Variants in MED22 observed in about 807,000 individuals in gnomAD.
The protein encoded by MED22 is mediator of RNA polymerase II transcription subunit 22.
Under a neutral mutation model 22.7 loss-of-function variants are expected in MED22, and 22 were observed. The ratio of observed to expected loss-of-function variants is 0.97; its 90% CI spans 0.69 to 1.38. The LOEUF is 1.38. Ranked by LOEUF, MED22 falls within the 40% of genes most tolerant of loss-of-function variation. The pLI, the probability that MED22 is intolerant of heterozygous loss-of-function variation, is 0.00. For missense variants in MED22, 247 were observed against 263.0 expected, an observed-to-expected ratio of 0.94 and a Z score of 0.42; for synonymous variants, 134 against 119.4, an observed-to-expected ratio of 1.12 and a Z score of -0.80.
chr9:133,341,966 G>A, intron 4 of MED22: 2 of 1,249,674 alleles, frequency 1.6e-6, no homozygotes, highest in Non-Finnish European at 1.0e-6. Context: ...GGCCCTTCCT[G>A]CCCAGCCTCC....
At chr9:133,347,532 G>T (rs1014656128) in intron 1 of MED22, 2 of 151,570 alleles carry the variant, frequency 1.3e-5, no homozygotes, top group Non-Finnish European at 2.9e-5. Context: ...AAAAAAAAAA[G>T]GGGGGTAATT....
intron 2 of MED22, chr9:133,346,307 C>T: frequency 1.8e-6 from 1 of 543,766 alleles, no homozygotes; most frequent in East Asian, 3.2e-5. Flanking sequence ...TCACAAGGAC[C>T]CCACCATGCA....
intron 2 of MED22, among the ~76,000 whole-genome samples, chr9:133,345,499 C>G (rs2129965553): frequency 6.6e-6 from 1 of 152,344 alleles, no homozygotes; most frequent in Admixed American, 6.5e-5. Flanking sequence ...AGAGGCAACC[C>G]ACGCTGCTTG....
At chr9:133,344,546 G>A (rs1354917570) in intron 3 of MED22, among the ~76,000 whole-genome samples, 2 of 152,172 alleles carry the variant, frequency 1.3e-5, no homozygotes, top group East Asian at 1.9e-4. Flanking sequence ...CTCCCCTCTC[G>A]TCAGCCTCTG....
chr9:133,341,547 G>C lies in MED22; in HGVS notation c.561C>G (p.Ala187=), dbSNP rs2129948968. The C allele has an allele frequency of 3.6e-5, 56 of 1,552,516 alleles. No homozygotes were observed. In the South Asian group the frequency reaches 5.9e-4, roughly 16 times the overall value. The change falls in exon 5 of 5, where the codon GCC becomes GCG. Residue 187 remains alanine (A), a synonymous_variant. Coordinates refer to ENST00000343730, the MANE Select transcript of MED22 (RefSeq NM_133640.5). ...GGCCAGGGCCACCAGCATGGGAGTGGGCAGGGGCTGCCACCTGTAGGGGGC... is the reference window on the plus strand; with the variant it reads ...GGCCAGGGCCACCAGCATGGGAGTGCGCAGGGGCTGCCACCTGTAGGGGGC... ...SAGPLQVAAP[A]HSHAGGPGPT...
intron 1 of MED22, chr9:133,347,655 C>A (rs926305633): frequency 6.6e-6 from 1 of 152,582 alleles, no homozygotes; most frequent in South Asian, 2.0e-4. Context: ...ACGGCCTCGG[C>A]GCTGGAGTTG....
chr9:133,345,623 A>C (rs1398827086), intron 2 of MED22, among the ~76,000 whole-genome samples: 20 of 152,066 alleles, frequency 1.3e-4, no homozygotes. Flanking sequence ...CTGTTGGATG[A>C]GTGAAGGGAT....
Position 133,339,341 on chromosome 9 carries a change from C to T in MED22, c.*2164G>A. On this transcript the variant is annotated 3_prime_UTR_variant, in exon 5 of 5. Transcript: ENST00000343730. ...AAAATGATCAGAAAAAGAGGGAAGCCAAAGAGAAAGGTACCTGGATTCAAC... is the reference window on the plus strand; with the variant it reads ...AAAATGATCAGAAAAAGAGGGAAGCTAAAGAGAAAGGTACCTGGATTCAAC... 1 of 722,246 alleles carries T rather than the reference C, an allele frequency of 1.4e-6. No individual in the cohort carries two copies. The highest frequency in any genetic ancestry group is 1.4e-5 in the South Asian group (1 of 73,116). 44.7% of individuals were successfully genotyped at this position (722,246 alleles called of 1,614,324 possible). A position where few individuals can be genotyped will look rare whatever the true frequency, so the allele number is the denominator to read the frequency against.
chr9:133,346,667 G>C lies in MED22; in HGVS notation c.-5C>G. 1 of 1,610,776 alleles carries C rather than the reference G, an allele frequency of 6.2e-7. No individual in the cohort carries two copies. Among genetic ancestry groups the C allele is most frequent in the Middle Eastern group, 1.7e-4 (1 of 6,056 alleles). ...CAGGGCTCTCTGCTGGGCCATGGCC[G>C]AGCCTCAAGCAGCGCAGCGGGGAGA... On this transcript the variant is annotated 5_prime_UTR_variant, in exon 2 of 5. Transcript: ENST00000343730.
intron 2 of MED22, among the ~76,000 whole-genome samples, chr9:133,345,859 G>C (rs193258522): frequency 6.9e-4 from 105 of 152,298 alleles, no homozygotes; most frequent in Non-Finnish European, 1.2e-3. Flanking sequence ...CAGACTTCGT[G>C]GGTTCAAATC....
chr9:133,339,005 G>T lies in MED22; in HGVS notation c.*2500C>A. On this transcript the variant is annotated 3_prime_UTR_variant, in exon 5 of 5. Coordinates refer to ENST00000343730, the MANE Select transcript of MED22 (RefSeq NM_133640.5). ...ATTCGCCAAAATGACGAACACAAAGGGAAAGAGGAGAGGCACCCAATATAT... is the reference window on the plus strand; with the variant it reads ...ATTCGCCAAAATGACGAACACAAAGTGAAAGAGGAGAGGCACCCAATATAT... 1.2e-6 allele frequency: 1 copy of T among 831,316 alleles called. No homozygotes were observed. Among genetic ancestry groups the T allele is most frequent in the South Asian group, 1.3e-5 (1 of 76,654 alleles). The allele number at this position is 831,316 out of a possible 1,614,324, so 51.5% of individuals were successfully genotyped here.
intron 4 of MED22, chr9:133,342,189 C>T: frequency 1.0e-6 from 1 of 989,462 alleles, no homozygotes; most frequent in Non-Finnish European, 1.2e-6. Flanking sequence ...GGAACACAGG[C>T]CCTGGCACTT....
At chr9:133,342,582 C>CT in intron 4 of MED22, 1 of 986,498 alleles carries the variant, frequency 1.0e-6, no homozygotes, top group South Asian at 4.7e-5. Flanking sequence ...GCGGAGCGCC[C>CT]TTTGGGGGAC....
At chr9:133,342,163 A>T (rs2129952252) in intron 4 of MED22, 20 of 993,580 alleles carry the variant, frequency 2.0e-5, no homozygotes, top group Non-Finnish European at 2.4e-5. Flanking sequence ...ACTTAGCCTG[A>T]AGGGGGCGAC....
At chr9:133,343,434 A>T (rs1198039652) in intron 4 of MED22, 1 of 1,224,798 alleles carries the variant, frequency 8.2e-7, no homozygotes, top group Non-Finnish European at 1.0e-6. Flanking sequence ...AAACGGTCGA[A>T]GGTTTCAGCT....
chr9:133,342,168 G>A lies in MED22; in HGVS notation c.414-474C>T, dbSNP rs2129952305. Reference sequence around the variant, plus strand: ...CCTGCCTGAGACTTAGCCTGAAGGGGGCGACAGTTGGGAACACAGGCCCTG... The same window carrying A: ...CCTGCCTGAGACTTAGCCTGAAGGGAGCGACAGTTGGGAACACAGGCCCTG... On this transcript the variant is annotated intron_variant, in intron 4 of 4. Coordinates refer to ENST00000343730, the MANE Select transcript of MED22 (RefSeq NM_133640.5). 351 of 992,394 alleles carry A rather than the reference G, an allele frequency of 3.5e-4. 4 individuals carry two copies. The South Asian group carries it at 0.014, about 39-fold the overall frequency. 61.5% of individuals were successfully genotyped at this position (992,394 alleles called of 1,614,324 possible).
intron 4 of MED22, chr9:133,343,497 C>A: frequency 8.1e-7 from 1 of 1,235,938 alleles, no homozygotes; most frequent in Non-Finnish European, 1.0e-6. Context: ...CTTCTGCATC[C>A]CTGGGACCCA....
chr9:133,342,355 A>G (rs1285524322), intron 4 of MED22: 5 of 985,970 alleles, frequency 5.1e-6, no homozygotes, highest in Middle Eastern at 5.2e-4. Flanking sequence ...TCTAACCTGC[A>G]GGCAGGGGCC....
At position 133,340,515 on chromosome 9, in the gene MED22, T is replaced by C. The variant is rs1835976678; in HGVS notation, c.*990A>G. ...TGCCCAGTGTTGTGACTTCTGCATT[T>C]CTAAGGTGAGCCTGGCACCAAAAGA... On this transcript the variant is annotated 3_prime_UTR_variant, in exon 5 of 5. Transcript: ENST00000343730. 1 of 152,238 alleles carries C rather than the reference T, an allele frequency of 6.6e-6. No individual in the cohort carries two copies. The highest frequency in any genetic ancestry group is 2.4e-5 in the African/African-American group (1 of 41,434). 9.4% of individuals were successfully genotyped at this position (152,238 alleles called of 1,614,324 possible).
Sources: gnomAD v4.1 joint callset for allele counts (sites outside exome capture counted in the v4.1 genomes callset) on GRCh38, gnomAD v4.1.1 for gene constraint, MANE v1.5 for transcripts, NCBI Gene and HGNC (gene_info 2026-07-23, HGNC 2026-07-21) for gene names.